The following RNF13 variants were observed in gnomAD, a reference collection of about 807,000 sequenced individuals.
RNF13 encodes the protein E3 ubiquitin-protein ligase RNF13.
A neutral mutation model predicts 37.7 loss-of-function variants in RNF13; 19 were observed. The ratio of observed to expected loss-of-function variants is 0.50; its 90% CI spans 0.35 to 0.74. The LOEUF (loss-of-function observed/expected upper bound fraction) is 0.74. Among genes scored for constraint, RNF13 ranks in the 30% least tolerant of loss-of-function variants. RNF13 has a pLI of 0.01. For missense variants in RNF13, 375 were observed against 453.0 expected (o/e 0.83, Z 1.56); for synonymous variants, 144 against 157.8 (o/e 0.91, Z 0.65).
intron 8 of RNF13, chr3:149,939,895 A>G (rs1720085853): frequency 3.0e-6 from 1 of 334,306 alleles, no homozygotes; most frequent in African/African-American, 2.2e-5. Context: ...ACACCAGGGT[A>G]TGTGTCTTCA....
Position 149,933,830 on chromosome 3 carries a change from C to T in RNF13, c.700+12603C>T, listed in dbSNP as rs529626165. Reference sequence around the variant, plus strand: ...AACTCCTGACCTCAAGTGATCCACCCGCCTCAGCCTCCCAAAGTGTTAGGA... The same window carrying T: ...AACTCCTGACCTCAAGTGATCCACCTGCCTCAGCCTCCCAAAGTGTTAGGA... On this transcript the variant is annotated intron_variant, in intron 8 of 9. Coordinates refer to ENST00000392894, the MANE Select transcript of RNF13 (RefSeq NM_183381.3). 1.5e-3 allele frequency among the ~76,000 whole-genome samples: 230 copies of T among 152,124 alleles called. 1 individual carries two copies. The highest frequency in any genetic ancestry group is 5.2e-3 in the African/African-American group (217 of 41,538).
chr3:149,910,873 C>T (rs1303807610), intron 6 of RNF13, among the ~76,000 whole-genome samples: 1 of 152,290 alleles, frequency 6.6e-6, no homozygotes, highest in South Asian at 2.1e-4. Context: ...AAAATTTCCT[C>T]ATGTAACACA....
chr3:149,911,956 A>G (rs1286767212), intron 6 of RNF13, 22 bp from the exon 7 acceptor site: 1 of 1,187,310 alleles, frequency 8.4e-7, no homozygotes, highest in South Asian at 1.3e-5. Flanking sequence ...TTTCTCAATT[A>G]TTGATTTTTG....
chr3:149,957,558 T>G (rs1235551435), intron 8 of RNF13, among the ~76,000 whole-genome samples: 2 of 152,220 alleles, frequency 1.3e-5, no homozygotes, highest in Non-Finnish European at 2.9e-5. Flanking sequence ...TAGCCTTTTG[T>G]AAGCATGCAG....
At chr3:149,850,482 G>A (rs1270696349) in intron 2 of RNF13, among the ~76,000 whole-genome samples, 1 of 152,162 alleles carries the variant, frequency 6.6e-6, no homozygotes, top group Non-Finnish European at 1.5e-5. Context: ...GTTTCAAAAA[G>A]GGTTTCATTC....
At chr3:149,908,915 A>C (rs115729675) in intron 6 of RNF13, among the ~76,000 whole-genome samples, 4,203 of 152,134 alleles carry the variant, frequency 0.028, 85 homozygotes, top group Non-Finnish European at 0.036. Flanking sequence ...ATAAGACCCT[A>C]TTTTCTGGGT....
At chr3:149,844,673 G>A (rs547782360) in intron 1 of RNF13, among the ~76,000 whole-genome samples, 20 of 152,250 alleles carry the variant, frequency 1.3e-4, no homozygotes, top group African/African-American at 4.8e-4. Context: ...GCAATCTCAG[G>A]CCTGCTGTGT....
intron 6 of RNF13, among the ~76,000 whole-genome samples, chr3:149,910,615 A>C (rs186218713): frequency 6.6e-6 from 1 of 152,306 alleles, no homozygotes. Context: ...GAAAGGAGTA[A>C]ATCTGTTATT....
At chr3:149,826,097 T>C (rs1720476505) in intron 1 of RNF13, among the ~76,000 whole-genome samples, 1 of 152,214 alleles carries the variant, frequency 6.6e-6, no homozygotes, top group Admixed American at 6.5e-5. Flanking sequence ...CTCCAGCAGA[T>C]AGATCTGAAA....
intron 4 of RNF13, among the ~76,000 whole-genome samples, chr3:149,888,384 A>G (rs764369656): frequency 1.1e-4 from 16 of 152,222 alleles, no homozygotes; most frequent in Admixed American, 2.0e-4. Flanking sequence ...AAAAGCTACT[A>G]TTTATCATCA....
intron 1 of RNF13, among the ~76,000 whole-genome samples, chr3:149,834,241 A>G (rs1721359646): frequency 2.0e-5 from 3 of 152,238 alleles, no homozygotes; most frequent in Admixed American, 2.0e-4. Context: ...ACCTTCTTGC[A>G]GAAATAGGAA....
At chr3:149,920,471 A>G (rs544166673) in intron 7 of RNF13, among the ~76,000 whole-genome samples, 93 of 152,198 alleles carry the variant, frequency 6.1e-4, no homozygotes, top group African/African-American at 2.1e-3. Flanking sequence ...GGCCTCAAAC[A>G]GTCCTCCCAC....
intron 6 of RNF13, among the ~76,000 whole-genome samples, chr3:149,904,577 A>G (rs1205775413): frequency 6.6e-6 from 1 of 152,084 alleles, no homozygotes; most frequent in East Asian, 1.9e-4. Flanking sequence ...GATGTTATAA[A>G]TTGAAAACAC....
At chr3:149,827,947 ATT>A (rs74270319) in intron 1 of RNF13, among the ~76,000 whole-genome samples, 12 of 137,700 alleles carry the variant, frequency 8.7e-5, no homozygotes, top group Admixed American at 7.3e-5. Flanking sequence ...CTATCTCTCT[ATT>A]TTTTTTTTTT....
At chr3:149,845,949 C>A in intron 1 of RNF13, 62 bp from the exon 2 acceptor site, 1 of 821,094 alleles carries the variant, frequency 1.2e-6, no homozygotes, top group African/African-American at 1.7e-5. Flanking sequence ...ATTAATATAT[C>A]AAATGATCTA....
intron 6 of RNF13, among the ~76,000 whole-genome samples, chr3:149,911,768 C>CT (rs1477133694): frequency 6.6e-6 from 1 of 151,952 alleles, no homozygotes; most frequent in East Asian, 1.9e-4. Flanking sequence ...TATAGGCATG[C>CT]TATTAGGAAA....
At chr3:149,886,465 A>G (rs1714042269) in intron 4 of RNF13, among the ~76,000 whole-genome samples, 1 of 152,090 alleles carries the variant, frequency 6.6e-6, no homozygotes, top group African/African-American at 2.4e-5. Context: ...ACATTGCTAA[A>G]CTGGTTTATT....
chr3:149,918,383 A>G (rs1374621528), intron 7 of RNF13, among the ~76,000 whole-genome samples: 3 of 151,954 alleles, frequency 2.0e-5, no homozygotes, highest in Non-Finnish European at 1.5e-5. Flanking sequence ...GAATGTATGT[A>G]TTTCACTATT....
intron 3 of RNF13, among the ~76,000 whole-genome samples, chr3:149,858,332 C>A (rs1485709411): frequency 6.6e-6 from 1 of 152,154 alleles, no homozygotes; most frequent in Non-Finnish European, 1.5e-5. Context: ...TCTTGCTATA[C>A]TTTTTATTAT....
Sources: gnomAD v4.1 joint callset for allele counts (sites outside exome capture counted in the v4.1 genomes callset) on GRCh38, gnomAD v4.1.1 for gene constraint, MANE v1.5 for transcripts, NCBI Gene and HGNC (gene_info 2026-07-23, HGNC 2026-07-21) for gene names.